Variants in DRICH1 observed in about 807,000 individuals in gnomAD.
The protein encoded by DRICH1 is aspartate-rich protein 1.
A neutral mutation model predicts 39.5 loss-of-function variants in DRICH1; 38 were observed. That is an observed-to-expected ratio of 0.96 (90% CI 0.74 to 1.26). The LOEUF is 1.26. DRICH1 is among the 50% of genes most tolerant of loss of function. DRICH1 has a pLI of 0.00. For missense variants in DRICH1, 279 were observed against 270.4 expected (o/e 1.03, Z -0.22); for synonymous variants, 84 against 99.5 (o/e 0.84, Z 0.93).
At chr22:23,609,592 G>A (rs1397530106) in intron 11 of DRICH1, among the ~76,000 whole-genome samples, 1 of 152,130 alleles carries the variant, frequency 6.6e-6, no homozygotes, top group African/African-American at 2.4e-5. Flanking sequence ...TCAGCAGGGA[G>A]CCCTGGGCCT....
intron 1 of DRICH1, among the ~76,000 whole-genome samples, chr22:23,630,294 T>A (rs117432256): frequency 1.3e-5 from 2 of 152,292 alleles, no homozygotes; most frequent in East Asian, 3.9e-4. Context: ...GGGTCATATA[T>A]CACGGTGGAG....
chr22:23,628,782 G>C, intron 1 of DRICH1, among the ~76,000 whole-genome samples: 1 of 152,182 alleles, frequency 6.6e-6, no homozygotes, highest in South Asian at 2.1e-4. Flanking sequence ...CTCTGTGTCA[G>C]AGAAGTGGGG....
chr22:23,632,565 G>A (rs1308369446), upstream of DRICH1, among the ~76,000 whole-genome samples: 2 of 152,136 alleles, frequency 1.3e-5, no homozygotes, highest in African/African-American at 4.8e-5. Context: ...TGAGCTAAGT[G>A]CAGGGGGAGT....
At chr22:23,618,529 A>G (rs1927516129) in intron 6 of DRICH1, among the ~76,000 whole-genome samples, 1 of 152,154 alleles carries the variant, frequency 6.6e-6, no homozygotes, top group Non-Finnish European at 1.5e-5. Flanking sequence ...ATGGTGTGTG[A>G]ACACAAACTT....
At chr22:23,583,643 G>A in the DRICH1 span, among the ~76,000 whole-genome samples, 16 of 152,384 alleles carry the variant, frequency 1.0e-4, no homozygotes, top group African/African-American at 3.1e-4. Context: ...GACAGCTCCC[G>A]ATCCTCGGGG....
rs141212668 is a variant in DRICH1 at position 23,617,266 on chromosome 22, C to T, written c.519+309G>A. ...ATTGTGTATGTTGTACATAATGTGACTTGTCATATTTTTATATCAAAATTA... is the reference window on the plus strand; with the variant it reads ...ATTGTGTATGTTGTACATAATGTGATTTGTCATATTTTTATATCAAAATTA... On this transcript the variant is annotated intron_variant, in intron 7 of 11. Coordinates refer to ENST00000317749, the MANE Select transcript of DRICH1 (RefSeq NM_016449.4). Among the ~76,000 whole-genome samples, 1,033 of 152,276 alleles carry T rather than the reference C, an allele frequency of 6.8e-3. 14 individuals are homozygous for T. The highest frequency in any genetic ancestry group is 0.023 in the African/African-American group (973 of 41,558).
the DRICH1 span, among the ~76,000 whole-genome samples, chr22:23,582,635 G>C: frequency 0.74 from 112,361 of 151,364 alleles, 42,148 homozygotes; most frequent in Admixed American, 0.84. Flanking sequence ...GTGCTATCTC[G>C]GCTCACTGTG....
intron 1 of DRICH1, among the ~76,000 whole-genome samples, chr22:23,628,333 G>A (rs1458594907): frequency 6.6e-6 from 1 of 152,218 alleles, no homozygotes; most frequent in African/African-American, 2.4e-5. Context: ...TTGGGAGGCC[G>A]AGGTGGGTGG....
chr22:23,630,546 G>A (rs1219850388), intron 1 of DRICH1: 1 of 152,194 alleles, frequency 6.6e-6, no homozygotes, highest in East Asian at 1.9e-4. Context: ...AGAATGACAT[G>A]ACTTGGGAGG....
At chr22:23,618,399 C>G (rs1361474088) in intron 6 of DRICH1, among the ~76,000 whole-genome samples, 1 of 151,930 alleles carries the variant, frequency 6.6e-6, no homozygotes, top group Non-Finnish European at 1.5e-5. Flanking sequence ...CAGGGGTGAG[C>G]CACCGCACCC....
In DRICH1 at chr22:23,622,091, C is replaced by T. The variant is rs112116789; in HGVS notation, c.384G>A (p.Gln128=). ...DCDDDDDDDA[Q]ILPSRVQGGC... ...AGAAGACAAAGAAAGATTGTCTTAC[C>T]TGGGCATCATCATCATCATCATCAT... The change falls in exon 4 of 12, where the codon CAG becomes CAA. Residue 128 remains glutamine (Q), a splice_region_variant and synonymous_variant. Coordinates refer to ENST00000317749, the MANE Select transcript of DRICH1 (RefSeq NM_016449.4). 6.2e-7 allele frequency: 1 copy of T among 1,604,112 alleles called. No individual in the cohort carries two copies. The highest frequency in any genetic ancestry group is 1.7e-5 in the Admixed American group (1 of 59,212).
At chr22:23,606,865 C>G (rs1569084518), downstream of DRICH1, among the ~76,000 whole-genome samples, 1 of 152,350 alleles carries the variant, frequency 6.6e-6, no homozygotes, top group East Asian at 1.9e-4. Context: ...CACCCACAGC[C>G]TCCTGCTGGC....
the DRICH1 span, among the ~76,000 whole-genome samples, chr22:23,591,596 A>T: frequency 6.6e-6 from 1 of 152,240 alleles, no homozygotes; most frequent in South Asian, 2.1e-4. Flanking sequence ...CATCCACGAA[A>T]CAGGGAAGAA....
the DRICH1 span, among the ~76,000 whole-genome samples, chr22:23,596,092 T>C: frequency 6.6e-6 from 1 of 152,212 alleles, no homozygotes; most frequent in African/African-American, 2.4e-5. Flanking sequence ...CATTACGTCA[T>C]TTTTGCTGCA....
chr22:23,622,526 G>GT (rs1266804404), intron 3 of DRICH1, among the ~76,000 whole-genome samples: 6 of 152,152 alleles, frequency 3.9e-5, no homozygotes, highest in Non-Finnish European at 7.3e-5. Context: ...ATTCAAGATC[G>GT]TGTCAGTACA....
At chr22:23,616,500 C>T (rs1927355230) in intron 8 of DRICH1, among the ~76,000 whole-genome samples, 1 of 152,178 alleles carries the variant, frequency 6.6e-6, no homozygotes, top group African/African-American at 2.4e-5. Context: ...CCTGGAAATG[C>T]TGTATTATTA....
chr22:23,589,805 T>C, the DRICH1 span, among the ~76,000 whole-genome samples: 1 of 152,208 alleles, frequency 6.6e-6, no homozygotes, highest in Non-Finnish European at 1.5e-5. Context: ...TTTGGTGGGA[T>C]GACTCAAACC....
chr22:23,595,288 T>G, the DRICH1 span, among the ~76,000 whole-genome samples: 49 of 149,192 alleles, frequency 3.3e-4, no homozygotes, highest in African/African-American at 1.2e-3. Context: ...TGTGTATTCA[T>G]CCCCTGAGAA....
the DRICH1 span, among the ~76,000 whole-genome samples, chr22:23,587,428 C>T: frequency 2.2e-4 from 33 of 152,290 alleles, no homozygotes; most frequent in African/African-American, 7.2e-4. Context: ...TCATGGGAAG[C>T]CTTATCAGAC....
Sources: gnomAD v4.1 joint callset for allele counts (sites outside exome capture counted in the v4.1 genomes callset) on GRCh38, gnomAD v4.1.1 for gene constraint, MANE v1.5 for transcripts, NCBI Gene and HGNC (gene_info 2026-07-23, HGNC 2026-07-21) for gene names.